Variants in TTC27 observed in about 807,000 individuals in gnomAD.
TTC27 encodes the protein tetratricopeptide repeat protein 27.
TTC27 carries 79 observed loss-of-function variants against 115.9 expected under a neutral mutation model. The observed-to-expected ratio is 0.68, with a 90% CI of 0.57 to 0.82. TTC27 has a LOEUF of 0.82. TTC27 is among the 40% of genes least tolerant of loss of function. TTC27 has a pLI of 0.00. For missense variants in TTC27, 1,054 were observed against 993.1 expected (o/e 1.06, Z -0.82); for synonymous variants, 401 against 356.0 (o/e 1.13, Z -1.42).
At chr2:32,769,773 T>C (rs1415701062) in intron 13 of TTC27, among the ~76,000 whole-genome samples, 3 of 152,228 alleles carry the variant, frequency 2.0e-5, no homozygotes, top group Non-Finnish European at 2.9e-5. Context: ...TAAGCTCTTA[T>C]GTAAGTATGA....
At chr2:32,819,906 T>C (rs1671624047) in intron 19 of TTC27, among the ~76,000 whole-genome samples, 1 of 152,248 alleles carries the variant, frequency 6.6e-6, no homozygotes, top group South Asian at 2.1e-4. Context: ...CGATTGATTA[T>C]GATTTGCAAG....
chr2:32,797,846 A>G (rs889694801), intron 16 of TTC27, among the ~76,000 whole-genome samples: 3 of 152,212 alleles, frequency 2.0e-5, no homozygotes, highest in African/African-American at 7.2e-5. Flanking sequence ...GGAAGAAAAT[A>G]TTTGCAAGTA....
chr2:32,697,141 G>A (rs969715495), intron 9 of TTC27, among the ~76,000 whole-genome samples: 2 of 151,468 alleles, frequency 1.3e-5, no homozygotes, highest in Admixed American at 6.6e-5. Context: ...GCAGTAAGCC[G>A]AGACTGCACC....
intron 9 of TTC27, among the ~76,000 whole-genome samples, chr2:32,691,879 G>A (rs1666823607): frequency 6.6e-6 from 1 of 151,814 alleles, no homozygotes; most frequent in African/African-American, 2.4e-5. Context: ...CTTAAGACAG[G>A]CACACAAATG....
chr2:32,772,392 AATACCGGACG>A (rs1390092062), intron 13 of TTC27, among the ~76,000 whole-genome samples: 3 of 152,192 alleles, frequency 2.0e-5, no homozygotes, highest in African/African-American at 4.8e-5. Context: ...GCTAATTCTA[AATACCGGACG>A]ATCCCTGACT....
intron 5 of TTC27, among the ~76,000 whole-genome samples, chr2:32,661,084 T>A (rs1665530368): frequency 6.6e-6 from 1 of 152,328 alleles, no homozygotes; most frequent in Non-Finnish European, 1.5e-5. Context: ...ATTGTAGATG[T>A]TTGGCGTTAT....
chr2:32,722,784 A>T (rs930621221), intron 10 of TTC27, among the ~76,000 whole-genome samples: 1 of 152,208 alleles, frequency 6.6e-6, no homozygotes, highest in Non-Finnish European at 1.5e-5. Flanking sequence ...CAGTGTCTTA[A>T]GGCCTACAAT....
chr2:32,772,455 C>G (rs950535392), intron 13 of TTC27, among the ~76,000 whole-genome samples: 8 of 152,094 alleles, frequency 5.3e-5, no homozygotes, highest in African/African-American at 1.9e-4. Flanking sequence ...TATGATGGTG[C>G]AAAAATGATA....
intron 5 of TTC27, among the ~76,000 whole-genome samples, chr2:32,654,308 G>A (rs945157009): frequency 2.0e-5 from 3 of 152,154 alleles, no homozygotes; most frequent in African/African-American, 7.2e-5. Flanking sequence ...AGTCTTTGAA[G>A]TCTTTAATTA....
intron 13 of TTC27, among the ~76,000 whole-genome samples, chr2:32,761,539 A>C (rs1020178001): frequency 6.6e-6 from 1 of 151,478 alleles, no homozygotes; most frequent in Non-Finnish European, 1.5e-5. Context: ...TCCTTCCTCC[A>C]ATTCTCCCCT....
rs767210198 is a variant in TTC27, at chr2:32,758,512, C to A, written c.1673C>A (p.Pro558His). ...TTCGAACGCTCGGTTAAGATTAATC[C>A]CATGCAGGTTAGACAACTCATAACC... The part of the protein sequence containing the change: ...ECFERSVKIN[P>H]MQLGVWFSLG... The change falls in exon 13 of 20, where the codon CCC becomes CAC. Residue 558 changes from proline to histidine, a missense_variant. Coordinates refer to ENST00000317907, the MANE Select transcript of TTC27 (RefSeq NM_017735.5). 1.2e-6 allele frequency: 2 copies of A among 1,613,952 alleles called. No homozygotes were observed. The highest frequency in any genetic ancestry group is 1.7e-6 in the Non-Finnish European group (2 of 1,179,870).
intron 4 of TTC27, among the ~76,000 whole-genome samples, chr2:32,642,179 GGT>G (rs1254935085): frequency 6.6e-6 from 1 of 151,470 alleles, no homozygotes; most frequent in Admixed American, 6.6e-5. Flanking sequence ...TATTTCTATA[GGT>G]CAATGTAGAC....
rs76202378 is a variant in TTC27 at position 32,733,701 on chromosome 2, A to G, written c.1234-127A>G. On this transcript the variant is annotated intron_variant, in intron 10 of 19. Transcript: ENST00000317907. Reference sequence around the variant, plus strand: ...ATTCGAGAAAAAATTCACACATCCTATCACCTTATCAAAATGACTTAAGTT... The same window carrying G: ...ATTCGAGAAAAAATTCACACATCCTGTCACCTTATCAAAATGACTTAAGTT... 2,211 of 515,538 alleles carry G rather than the reference A, an allele frequency of 4.3e-3. 46 individuals are homozygous for G. Among genetic ancestry groups the G allele is most frequent in the African/African-American group, 0.04 (2,000 of 50,400 alleles). The allele number at this position is 515,538 out of a possible 1,614,324, so 31.9% of individuals were successfully genotyped here.
intron 10 of TTC27, among the ~76,000 whole-genome samples, chr2:32,709,063 G>C (rs956056281): frequency 1.3e-5 from 2 of 152,124 alleles, no homozygotes; most frequent in Non-Finnish European, 2.9e-5. Context: ...GTAACTCAAA[G>C]TATAAGATAA....
chr2:32,758,509 A>G lies in TTC27; in HGVS notation c.1670A>G (p.Asn557Ser). ...VECFERSVKI[N>S]PMQLGVWFSL... ...TGCTTCGAACGCTCGGTTAAGATTA[A>G]TCCCATGCAGGTTAGACAACTCATA... Residue 557 changes from asparagine (N) to serine (S), a missense_variant, in exon 13 of 20, where the codon AAT becomes AGT. Physicochemically the swap from Asn to Ser is conservative, Grantham distance 46. Transcript: ENST00000317907. 6 of 1,614,056 alleles carry G rather than the reference A, an allele frequency of 3.7e-6. 1 individual carries two copies. The highest frequency in any genetic ancestry group is 1.3e-5 in the African/African-American group (1 of 75,022).
chr2:32,739,417 A>G (rs1161595345), intron 12 of TTC27, among the ~76,000 whole-genome samples: 2 of 152,186 alleles, frequency 1.3e-5, no homozygotes, highest in African/African-American at 2.4e-5. Context: ...AAAAAACATA[A>G]TGAATCCATC....
intron 7 of TTC27, among the ~76,000 whole-genome samples, chr2:32,670,583 G>A (rs79435008): frequency 0.023 from 3,465 of 151,888 alleles, 124 homozygotes; most frequent in African/African-American, 0.08. Context: ...AAATATGTAT[G>A]TAAGTCTTTG....
At chr2:32,784,706 T>C (rs1670292171) in intron 15 of TTC27, among the ~76,000 whole-genome samples, 1 of 152,146 alleles carries the variant, frequency 6.6e-6, no homozygotes, top group Admixed American at 6.5e-5. Flanking sequence ...CATGGAACAA[T>C]TTTGAGGCTA....
intron 10 of TTC27, among the ~76,000 whole-genome samples, chr2:32,728,895 G>A (rs1668200023): frequency 6.6e-6 from 1 of 152,278 alleles, no homozygotes; most frequent in East Asian, 1.9e-4. Flanking sequence ...TAGTCTATTT[G>A]TAAATTACAG....
Sources: gnomAD v4.1 joint callset for allele counts (sites outside exome capture counted in the v4.1 genomes callset) on GRCh38, gnomAD v4.1.1 for gene constraint, MANE v1.5 for transcripts, NCBI Gene and HGNC (gene_info 2026-07-23, HGNC 2026-07-21) for gene names.